Variants in DNAJB6 observed in about 807,000 individuals in gnomAD.
The protein encoded by DNAJB6 is dnaJ homolog subfamily B member 6.
Under a neutral mutation model 42.7 loss-of-function variants are expected in DNAJB6, and 16 were observed. That is an observed-to-expected ratio of 0.37 (90% CI 0.25 to 0.57). DNAJB6 has a LOEUF of 0.57. Among genes scored for constraint, DNAJB6 ranks in the 20% least tolerant of loss-of-function variants. The pLI is 0.74. For synonymous variants in DNAJB6, 170 were observed against 163.5 expected, an observed-to-expected ratio of 1.04 and a Z score of -0.30; for missense variants, 347 against 416.8, an observed-to-expected ratio of 0.83 and a Z score of 1.46.
chr7:157,339,280 C>A (rs1798214713), intron 1 of DNAJB6, among the ~76,000 whole-genome samples: 1 of 116,504 alleles, frequency 8.6e-6, no homozygotes, highest in Admixed American at 9.3e-5. Context: ...TCTGTTTGCA[C>A]CTTTTTTTTT....
intron 8 of DNAJB6, among the ~76,000 whole-genome samples, chr7:157,398,729 G>A (rs981418494): frequency 6.6e-6 from 1 of 152,156 alleles, no homozygotes; most frequent in African/African-American, 2.4e-5. Context: ...AAAGAAACTT[G>A]ATCTGTTGTA....
chr7:157,396,674 T>C (rs577154616), intron 8 of DNAJB6, among the ~76,000 whole-genome samples: 1 of 152,282 alleles, frequency 6.6e-6, no homozygotes, highest in East Asian at 1.9e-4. Flanking sequence ...CGCAGCTGTG[T>C]CCATACTAAA....
intron 8 of DNAJB6, among the ~76,000 whole-genome samples, chr7:157,398,993 A>G (rs897929767): frequency 3.9e-5 from 6 of 152,244 alleles, no homozygotes; most frequent in Admixed American, 6.5e-5. Context: ...ATATAGAAAG[A>G]TTTTAGAAAA....
At chr7:157,396,773 A>C (rs186659834) in intron 8 of DNAJB6, among the ~76,000 whole-genome samples, 2 of 152,052 alleles carry the variant, frequency 1.3e-5, no homozygotes, top group Non-Finnish European at 2.9e-5. Context: ...GCACAAATCA[A>C]AGGGACCCAG....
intron 6 of DNAJB6, among the ~76,000 whole-genome samples, chr7:157,383,764 C>G (rs1477622880): frequency 6.6e-6 from 1 of 152,072 alleles, no homozygotes. Context: ...CTCCTGAGCC[C>G]TGGAGGCCTG....
chr7:157,382,439 A>G, intron 6 of DNAJB6, 62 bp downstream of exon 6: 1 of 1,524,342 alleles, frequency 6.6e-7, no homozygotes, highest in South Asian at 1.3e-5. Flanking sequence ...ATAAAATCAT[A>G]ATACTCTTTT....
At chr7:157,361,281 C>G (rs991954351) in intron 2 of DNAJB6, among the ~76,000 whole-genome samples, 5 of 151,904 alleles carry the variant, frequency 3.3e-5, no homozygotes, top group Admixed American at 3.3e-4. Flanking sequence ...GCCTTAGCCT[C>G]CCGAGTAGGT....
At chr7:157,410,043 A>AAGCAGGCG in intron 9 of DNAJB6, 42 bp downstream of exon 9, 1 of 1,490,060 alleles carries the variant, frequency 6.7e-7, no homozygotes, top group Non-Finnish European at 8.9e-7. Context: ...GCAGAGTGAG[A>AAGCAGGCG]CTTCTCTGGG....
chr7:157,337,930 C>T (rs77656704), intron 1 of DNAJB6: 9 of 143,916 alleles, frequency 6.3e-5, no homozygotes, highest in Middle Eastern at 3.6e-3. Context: ...GTGCTAACTT[C>T]TCACGTAAAC....
intron 1 of DNAJB6, among the ~76,000 whole-genome samples, chr7:157,350,400 T>C (rs1008626972): frequency 6.6e-6 from 1 of 152,194 alleles, no homozygotes; most frequent in Non-Finnish European, 1.5e-5. Context: ...CTGTATCGCA[T>C]AATTTGAATA....
At position 157,406,662 on chromosome 7, in the gene DNAJB6, T is replaced by C. The variant is rs1295589019; in HGVS notation, c.692-3133T>C. 3.3e-5 allele frequency among the ~76,000 whole-genome samples: 5 copies of C among 152,238 alleles called. No homozygotes were observed. In the East Asian group the frequency reaches 9.7e-4, roughly 29 times the overall value. On this transcript the variant is annotated intron_variant, in intron 8 of 9. Transcript: ENST00000262177. ...TGGAGCCTGCACCTTTCTCCCCCAG[T>C]CACTCCAGGGCTTCTCTGAGCCCGC...
intron 6 of DNAJB6, among the ~76,000 whole-genome samples, chr7:157,384,260 G>A (rs571139960): frequency 5.9e-5 from 9 of 152,160 alleles, no homozygotes; most frequent in East Asian, 1.9e-4. Context: ...TTTTTGAGAC[G>A]AATACTTGTA....
intron 7 of DNAJB6, 68 bp from the exon 8 acceptor site, chr7:157,385,473 A>C: frequency 6.5e-7 from 1 of 1,534,472 alleles, no homozygotes; most frequent in South Asian, 1.2e-5. Context: ...GTCCTTAAAC[A>C]ACTTAGTTAC....
chr7:157,402,929 C>G (rs118124567), intron 8 of DNAJB6, among the ~76,000 whole-genome samples: 2 of 152,108 alleles, frequency 1.3e-5, no homozygotes, highest in Non-Finnish European at 2.9e-5. Context: ...TATCTGAGAC[C>G]GTCTCAGTCA....
At chr7:157,372,012 G>A (rs1800233813) in intron 5 of DNAJB6, 1 of 152,276 alleles carries the variant, frequency 6.6e-6, no homozygotes, top group Non-Finnish European at 1.5e-5. Flanking sequence ...TGTAGCAATA[G>A]AGGAGGAGTC....
At chr7:157,389,899 G>A (rs1366297950) in intron 8 of DNAJB6, among the ~76,000 whole-genome samples, 1 of 152,206 alleles carries the variant, frequency 6.6e-6, no homozygotes, top group African/African-American at 2.4e-5. Flanking sequence ...CTAAGGACTC[G>A]ACTCTGAGCT....
intron 1 of DNAJB6, among the ~76,000 whole-genome samples, chr7:157,341,625 C>T (rs111808689): frequency 6.6e-6 from 1 of 152,134 alleles, no homozygotes; most frequent in African/African-American, 2.4e-5. Context: ...GAACTGTGTA[C>T]TAATACTTAT....
intron 2 of DNAJB6, among the ~76,000 whole-genome samples, chr7:157,361,519 T>C (rs1037997540): frequency 6.6e-5 from 10 of 152,188 alleles, no homozygotes; most frequent in African/African-American, 1.9e-4. Context: ...GACTCCAGCT[T>C]TAATCAGATT....
intron 9 of DNAJB6, chr7:157,411,826 G>A (rs1795986050): frequency 6.6e-6 from 1 of 152,242 alleles, no homozygotes; most frequent in Non-Finnish European, 1.5e-5. Context: ...TATGGCTGTG[G>A]GCGGGACTGA....
Sources: allele counts gnomAD v4.1 joint callset (sites outside exome capture counted in the v4.1 genomes callset), GRCh38; gene constraint gnomAD v4.1.1; transcripts MANE v1.5; gene names NCBI Gene and HGNC (gene_info 2026-07-23, HGNC 2026-07-21).